CLASP2: variants seen among roughly 807,000 people sequenced by gnomAD.
CLASP2 encodes the protein CLIP-associating protein 2.
In CLASP2, 47 loss-of-function variants were observed where a neutral mutation model predicts 194.4. The observed-to-expected ratio is 0.24, with a 90% CI of 0.19 to 0.31. The LOEUF (loss-of-function observed/expected upper bound fraction) is 0.31, where lower values mean the gene tolerates loss of function less well. Ranked by LOEUF, CLASP2 falls within the 10% of genes least tolerant of loss-of-function variation. The pLI is 1.00. For synonymous variants in CLASP2, 619 were observed against 633.5 expected, an observed-to-expected ratio of 0.98 and a Z score of 0.34; for missense variants, 1,445 against 1,823.6, an observed-to-expected ratio of 0.79 and a Z score of 3.78.
chr3:33,589,576 A>C (rs986654161), intron 21 of CLASP2, among the ~76,000 whole-genome samples: 1 of 152,114 alleles, frequency 6.6e-6, no homozygotes, highest in African/African-American at 2.4e-5. Context: ...CAAGCAAACA[A>C]ACAAAAGTCC....
intron 1 of CLASP2, among the ~76,000 whole-genome samples, chr3:33,699,010 C>A (rs757806528): frequency 1.2e-4 from 18 of 152,038 alleles, no homozygotes; most frequent in Admixed American, 3.3e-4. Context: ...GGAATTCCAG[C>A]AGAGAGACCA....
chr3:33,563,965 C>T (rs1211673727), intron 27 of CLASP2: 1 of 452,618 alleles, frequency 2.2e-6, no homozygotes, highest in Non-Finnish European at 4.4e-6. Flanking sequence ...GTATGTGACT[C>T]TCTATAGAAT....
chr3:33,614,289 TTACA>T (rs1313976383), intron 12 of CLASP2, among the ~76,000 whole-genome samples: 7 of 152,168 alleles, frequency 4.6e-5, no homozygotes, highest in African/African-American at 1.7e-4. Flanking sequence ...GAATTTTTCC[TTACA>T]TACAGCTGTT....
chr3:33,553,356 A>C (rs544315673), intron 29 of CLASP2, among the ~76,000 whole-genome samples: 2 of 152,352 alleles, frequency 1.3e-5, no homozygotes, highest in East Asian at 1.9e-4. Flanking sequence ...ATGAGAGTAC[A>C]TCAAACTAAA....
At chr3:33,668,266 A>T (rs1167789106) in intron 6 of CLASP2, among the ~76,000 whole-genome samples, 1 of 152,198 alleles carries the variant, frequency 6.6e-6, no homozygotes, top group Non-Finnish European at 1.5e-5. Context: ...TGTCTTTATG[A>T]ACCATACTTA....
At chr3:33,711,076 G>A (rs2092980573) in intron 1 of CLASP2, among the ~76,000 whole-genome samples, 1 of 152,150 alleles carries the variant, frequency 6.6e-6, no homozygotes, top group Non-Finnish European at 1.5e-5. Flanking sequence ...AAGTGAAAGA[G>A]TGAATGAACT....
At position 33,607,366 on chromosome 3, in the gene CLASP2, T is replaced by G; in HGVS notation, c.1526+18A>C. 6.5e-7 allele frequency: 1 copy of G among 1,549,654 alleles called. No individual in the cohort carries two copies. The highest frequency in any genetic ancestry group is 8.7e-7 in the Non-Finnish European group (1 of 1,143,814). On this transcript the variant is annotated intron_variant, in intron 15 of 38. Coordinates refer to ENST00000682230, the MANE Select transcript of CLASP2 (RefSeq NM_001365631.1). ...AAAAAAGATTAAACTGTCACAAAAC[T>G]ATACTACACTGACTTACTTTCTTGC...
rs76807371 is a variant in CLASP2 at position 33,713,713 on chromosome 3, T to TG, written c.195+4094dup. The stretch of plus-strand genomic sequence containing the variant: ...TTTTTCTCTCCCCTGAGACAGGGTC[T>TG]GGCTCTGTTGCCCAGGCTGGAGTAC... On this transcript the variant is annotated intron_variant, in intron 1 of 38. Coordinates refer to ENST00000682230, the MANE Select transcript of CLASP2 (RefSeq NM_001365631.1). Among the ~76,000 whole-genome samples the TG allele has an allele frequency of 2.9e-4, 44 of 152,224 alleles. No individual in the cohort carries two copies. The East Asian group carries it at 7.0e-3, about 24-fold the overall frequency.
At chr3:33,700,383 T>C (rs1320589417) in intron 1 of CLASP2, among the ~76,000 whole-genome samples, 1 of 151,528 alleles carries the variant, frequency 6.6e-6, no homozygotes, top group East Asian at 2.0e-4. Context: ...GCTGAGATTG[T>C]GTCACTGCAC....
chr3:33,645,605 T>C (rs1024139631), intron 7 of CLASP2: 17 of 323,602 alleles, frequency 5.3e-5, no homozygotes, highest in Non-Finnish European at 8.3e-5. Context: ...CCTTATTCTA[T>C]ATCAAAATTT....
At chr3:33,594,506 G>C (rs1191574252) in intron 20 of CLASP2, among the ~76,000 whole-genome samples, 1 of 151,740 alleles carries the variant, frequency 6.6e-6, no homozygotes, top group Admixed American at 6.6e-5. Context: ...TTCAAAAGTA[G>C]AAGACATATT....
chr3:33,533,667 T>G (rs1456476603), intron 34 of CLASP2, among the ~76,000 whole-genome samples: 2 of 152,182 alleles, frequency 1.3e-5, no homozygotes, highest in African/African-American at 4.8e-5. Flanking sequence ...CACCTATCCT[T>G]TAAGTGAGCA....
At chr3:33,659,148 A>G (rs1348802114) in intron 7 of CLASP2, 2 of 1,404,204 alleles carry the variant, frequency 1.4e-6, no homozygotes, top group Admixed American at 6.0e-5. Context: ...AATAGCCAAC[A>G]GCTGCTACTC....
chr3:33,576,983 C>CA (rs1259454490), intron 23 of CLASP2, among the ~76,000 whole-genome samples: 8 of 144,900 alleles, frequency 5.5e-5, no homozygotes, highest in Non-Finnish European at 9.0e-5. Context: ...ACAGGTTATA[C>CA]AAAAAAATGT....
intron 28 of CLASP2, among the ~76,000 whole-genome samples, chr3:33,560,298 A>C (rs538788987): frequency 7.1e-4 from 107 of 150,378 alleles, no homozygotes; most frequent in African/African-American, 2.5e-3. Flanking sequence ...GCTGGAGTGC[A>C]GTGGTGCAAT....
At chr3:33,581,790 C>G (rs1268827969) in intron 23 of CLASP2, 31 bp downstream of exon 23, 2 of 1,447,874 alleles carry the variant, frequency 1.4e-6, no homozygotes, top group African/African-American at 2.8e-5. Flanking sequence ...CATGGATAAG[C>G]AATGCACATA....
chr3:33,685,342 C>CAAACA (rs761710409), intron 5 of CLASP2, among the ~76,000 whole-genome samples: 2 of 48,142 alleles, frequency 4.2e-5, no homozygotes, highest in South Asian at 1.1e-3. Flanking sequence ...AACTCCGTCT[C>CAAACA]AAAAAAAAAA....
intron 21 of CLASP2, among the ~76,000 whole-genome samples, chr3:33,589,120 GA>G (rs2068068198): frequency 6.6e-6 from 1 of 151,928 alleles, no homozygotes; most frequent in South Asian, 2.1e-4. Context: ...TACAGCTGAA[GA>G]AAAATTACAT....
chr3:33,528,407 C>T (rs191456528), intron 34 of CLASP2, among the ~76,000 whole-genome samples: 1 of 152,310 alleles, frequency 6.6e-6, no homozygotes, highest in East Asian at 1.9e-4. Context: ...CCTCTCTCAA[C>T]ACTTCTATTA....
Sources: allele counts gnomAD v4.1 joint callset (sites outside exome capture counted in the v4.1 genomes callset), GRCh38; gene constraint gnomAD v4.1.1; transcripts MANE v1.5; gene names NCBI Gene and HGNC (gene_info 2026-07-23, HGNC 2026-07-21).